Variants in FAT3 observed in about 807,000 individuals in gnomAD.
FAT3 encodes protocadherin Fat 3.
FAT3 carries 95 observed loss-of-function variants against 310.2 expected under a neutral mutation model. That is an observed-to-expected ratio of 0.31 (90% CI 0.26 to 0.36). The LOEUF (loss-of-function observed/expected upper bound fraction) is 0.36, where lower values mean the gene tolerates loss of function less well. FAT3 is among the 10% of genes least tolerant of loss of function. FAT3 has a pLI of 1.00. For missense variants in FAT3, 5,408 were observed against 5,715.6 expected (o/e 0.95, Z 1.74); for synonymous variants, 2,314 against 2,192.9 (o/e 1.06, Z -1.54).
At chr11:92,452,736 A>G (rs762594662) in intron 2 of FAT3, among the ~76,000 whole-genome samples, 72 of 152,220 alleles carry the variant, frequency 4.7e-4, no homozygotes, top group Non-Finnish European at 7.4e-4. Flanking sequence ...CATCTGTGAC[A>G]GTGATCCTAA....
chr11:92,831,627 A>G lies in FAT3; in HGVS notation c.9487A>G (p.Asn3163Asp). ...VQAVDPDIGINRKVVYSLADS... is the reference protein window; with the variant it reads ...VQAVDPDIGIDRKVVYSLADS... ...TTCCTGTGTCTCTCCCACAGGCATC[A>G]ATAGGAAGGTCGTGTACTCCCTGGC... The change falls in exon 14 of 28, where the codon AAT becomes GAT. Residue 3163 changes from asparagine to aspartate, a missense_variant. This residue lies in a region of FAT3 where 4,588 missense variants were observed against 4,809.8 expected (regional missense o/e 0.95). Coordinates refer to ENST00000525166, the MANE Select transcript of FAT3 (RefSeq NM_001367949.2). 1.2e-6 allele frequency: 2 copies of G among 1,610,554 alleles called. No homozygotes were observed. The highest frequency in any genetic ancestry group is 1.7e-6 in the Non-Finnish European group (2 of 1,178,708).
rs56273706 is a variant in FAT3, at chr11:92,232,628, G to GTTT, written c.-18+7478_-18+7480dup. The stretch of plus-strand genomic sequence containing the variant: ...TGTGCTTCTTGACTTCAGTGATGTC[G>GTTT]TTTTTTTTTTTTTTTTTTTTTTTTT... On this transcript the variant is annotated intron_variant, in intron 1 of 27. Coordinates refer to ENST00000525166, the MANE Select transcript of FAT3 (RefSeq NM_001367949.2). Among the ~76,000 whole-genome samples the GTTT allele has an allele frequency of 6.7e-5, 5 of 74,730 alleles. 1 individual carries two copies. Among genetic ancestry groups the GTTT allele is most frequent in the Non-Finnish European group, 9.4e-5 (4 of 42,462 alleles). The allele number at this position is 74,730 out of a possible 152,430, so 49.0% of individuals were successfully genotyped here.
chr11:92,814,571 C>T (rs1947771475), intron 13 of FAT3, among the ~76,000 whole-genome samples: 1 of 152,132 alleles, frequency 6.6e-6, no homozygotes, highest in Admixed American at 6.5e-5. Flanking sequence ...GGTGACATGA[C>T]TTCATGACCC....
At chr11:92,576,185 T>G (rs987999019) in intron 3 of FAT3, among the ~76,000 whole-genome samples, 5 of 152,172 alleles carry the variant, frequency 3.3e-5, no homozygotes, top group African/African-American at 9.7e-5. Flanking sequence ...AGGAGCAGTC[T>G]CTGTGTAGGT....
At chr11:92,565,098 G>A (rs1339223493) in intron 3 of FAT3, among the ~76,000 whole-genome samples, 1 of 139,404 alleles carries the variant, frequency 7.2e-6, no homozygotes, top group African/African-American at 2.5e-5. Flanking sequence ...GAATCCAGGA[G>A]CTGGTTTTTT....
At chr11:92,335,270 C>T (rs1948035651) in intron 1 of FAT3, among the ~76,000 whole-genome samples, 1 of 151,418 alleles carries the variant, frequency 6.6e-6, no homozygotes, top group Non-Finnish European at 1.5e-5. Flanking sequence ...GACTTAGACA[C>T]CGAATGTATT....
intron 4 of FAT3, among the ~76,000 whole-genome samples, chr11:92,743,904 A>G (rs572401275): frequency 1.3e-5 from 2 of 152,212 alleles, no homozygotes; most frequent in South Asian, 4.1e-4. Context: ...GCCCTGCACC[A>G]CCTCACAACT....
intron 2 of FAT3, among the ~76,000 whole-genome samples, chr11:92,422,677 G>A (rs1178039149): frequency 6.6e-6 from 1 of 152,166 alleles, no homozygotes; most frequent in Non-Finnish European, 1.5e-5. Flanking sequence ...GTAGAAGGGG[G>A]TGTAGTAAGA....
intron 2 of FAT3, among the ~76,000 whole-genome samples, chr11:92,519,890 T>C (rs1953626937): frequency 6.6e-6 from 1 of 152,158 alleles, no homozygotes. Flanking sequence ...AGTGGGGATG[T>C]GGAGCAACTG....
intron 4 of FAT3, among the ~76,000 whole-genome samples, chr11:92,721,376 T>C (rs1208392913): frequency 6.6e-6 from 1 of 152,214 alleles, no homozygotes; most frequent in African/African-American, 2.4e-5. Context: ...ATAAAAACAA[T>C]TTAATTGTAC....
intron 4 of FAT3, among the ~76,000 whole-genome samples, chr11:92,745,230 G>A (rs1015266609): frequency 2.6e-5 from 4 of 152,202 alleles, no homozygotes; most frequent in Non-Finnish European, 4.4e-5. Context: ...TTCATGGAGA[G>A]GGGAATGTGG....
At chr11:92,381,247 C>A (rs889802171) in intron 2 of FAT3, among the ~76,000 whole-genome samples, 2 of 152,168 alleles carry the variant, frequency 1.3e-5, no homozygotes, top group South Asian at 4.1e-4. Flanking sequence ...CAGTGGCTCA[C>A]GCCTGTAATC....
chr11:92,234,897 C>T (rs912682649), intron 1 of FAT3, among the ~76,000 whole-genome samples: 21 of 127,908 alleles, frequency 1.6e-4, no homozygotes, highest in African/African-American at 4.0e-4. Context: ...AGTGAGACTC[C>T]GTCTCAAAAA....
chr11:92,832,133 C>A, intron 14 of FAT3, 122 bp downstream of exon 14: 1 of 1,102,220 alleles, frequency 9.1e-7, no homozygotes, highest in Non-Finnish European at 1.3e-6. Flanking sequence ...GAGTTCAGGA[C>A]TAGCCTGGAC....
chr11:92,237,307 G>A (rs570387962), intron 1 of FAT3, among the ~76,000 whole-genome samples: 5 of 152,286 alleles, frequency 3.3e-5, no homozygotes, highest in East Asian at 1.9e-4. Context: ...TGTGAGTGCT[G>A]AGTGTAAATG....
chr11:92,514,761 C>T (rs757211761), intron 2 of FAT3, among the ~76,000 whole-genome samples: 11 of 152,086 alleles, frequency 7.2e-5, no homozygotes, highest in Admixed American at 1.3e-4. Flanking sequence ...GCAAAGAAAT[C>T]GTTATCTTTT....
chr11:92,386,622 A>G lies in FAT3; in HGVS notation c.3292+31218A>G, dbSNP rs1172343102. Among the ~76,000 whole-genome samples, 4 of 152,224 alleles carry G rather than the reference A, an allele frequency of 2.6e-5. No homozygotes were observed. The East Asian group carries it at 7.7e-4, about 29-fold the overall frequency. ...CATTAGATAGTTGTTGAATGAATGG[A>G]TGTCAGTCACTGCCCTTGGGTAGTT... On this transcript the variant is annotated intron_variant, in intron 2 of 27. Transcript: ENST00000525166.
intron 21 of FAT3, among the ~76,000 whole-genome samples, chr11:92,863,167 C>G (rs1949161358): frequency 6.6e-6 from 1 of 152,048 alleles, no homozygotes; most frequent in Non-Finnish European, 1.5e-5. Context: ...AGGCTGGTCT[C>G]AAACTGATCA....
chr11:92,404,307 T>C (rs1014770753), intron 2 of FAT3, among the ~76,000 whole-genome samples: 6 of 152,102 alleles, frequency 3.9e-5, no homozygotes, highest in East Asian at 1.9e-4. Context: ...CTGTGACAAG[T>C]GCTGTACTAG....
Sources: gnomAD v4.1 joint callset for allele counts (sites outside exome capture counted in the v4.1 genomes callset) on GRCh38, gnomAD v4.1.1 for gene constraint, gnomAD v4.1.1 regional missense constraint, MANE v1.5 for transcripts, NCBI Gene and HGNC (gene_info 2026-07-23, HGNC 2026-07-21) for gene names.